The following CAMTA1 variants were observed in gnomAD, a reference collection of about 807,000 sequenced individuals.
CAMTA1 encodes the protein calmodulin-binding transcription activator 1.
A neutral mutation model predicts 170.9 loss-of-function variants in CAMTA1; 27 were observed. The ratio of observed to expected loss-of-function variants is 0.16; its 90% CI spans 0.12 to 0.22. The LOEUF is 0.22. Ranked by LOEUF, CAMTA1 falls within the 10% of genes least tolerant of loss-of-function variation. CAMTA1 has a pLI of 1.00. For missense variants in CAMTA1, 1,619 were observed against 2,217.2 expected, an observed-to-expected ratio of 0.73 and a Z score of 5.42; for synonymous variants, 833 against 891.5, an observed-to-expected ratio of 0.93 and a Z score of 1.17.
At chr1:7,524,716 T>C (rs1409268678) in intron 6 of CAMTA1, among the ~76,000 whole-genome samples, 6 of 152,196 alleles carry the variant, frequency 3.9e-5, no homozygotes, top group Non-Finnish European at 8.8e-5. Context: ...TCAGAAACTT[T>C]GGGACCCACC....
intron 3 of CAMTA1, among the ~76,000 whole-genome samples, chr1:7,057,070 G>A (rs1439364647): frequency 6.6e-6 from 1 of 152,196 alleles, no homozygotes; most frequent in African/African-American, 2.4e-5. Flanking sequence ...CCCTTCTCTC[G>A]GGTGGGGAGG....
intron 3 of CAMTA1, among the ~76,000 whole-genome samples, chr1:6,935,389 C>CA (rs35838971): frequency 0.021 from 3,081 of 147,270 alleles, 42 homozygotes; most frequent in Middle Eastern, 0.056. Flanking sequence ...GCACCTGCAG[C>CA]AAAAAAAAAA....
chr1:7,380,868 T>G (rs1054686834), intron 5 of CAMTA1, among the ~76,000 whole-genome samples: 1 of 152,196 alleles, frequency 6.6e-6, no homozygotes, highest in Non-Finnish European at 1.5e-5. Flanking sequence ...GGCACATGCT[T>G]GTGAACAGCA....
Position 7,663,515 on chromosome 1 carries a change from G to A in CAMTA1, c.968G>A (p.Arg323His), listed in dbSNP as rs1181886794. ...HEHSHSKGSS[R>H]EKRNGKVAKP... ...CACAGCCACAGCAAGGGCTCCAGCC[G>A]TGAGAAGAGGAACGGCAAGGTGGCC... The change falls in exon 9 of 23, where the codon CGT becomes CAT. Residue 323 changes from arginine to histidine, a missense_variant. Physicochemically the swap from Arg to His is conservative, Grantham distance 29. Transcript: ENST00000303635. 1.0e-5 allele frequency: 16 copies of A among 1,602,550 alleles called. No individual in the cohort carries two copies. The highest frequency in any genetic ancestry group is 9.4e-5 in the African/African-American group (7 of 74,738).
intron 3 of CAMTA1, among the ~76,000 whole-genome samples, chr1:6,883,946 T>C (rs1672370201): frequency 6.6e-6 from 1 of 152,192 alleles, no homozygotes; most frequent in Non-Finnish European, 1.5e-5. Flanking sequence ...AAGTTACTTA[T>C]TTTGGTATGA....
chr1:6,844,615 G>A (rs1306722605), intron 3 of CAMTA1, among the ~76,000 whole-genome samples: 1 of 150,942 alleles, frequency 6.6e-6, no homozygotes, highest in Non-Finnish European at 1.5e-5. Flanking sequence ...GGGCCTGGGA[G>A]GTGGAGGTTG....
chr1:6,827,990 C>A (rs1647782735), intron 3 of CAMTA1, among the ~76,000 whole-genome samples: 1 of 152,142 alleles, frequency 6.6e-6, no homozygotes, highest in Non-Finnish European at 1.5e-5. Flanking sequence ...CAGTTGAGAG[C>A]ACAGTAGATT....
chr1:7,675,939 G>A (rs1036450382), intron 10 of CAMTA1, among the ~76,000 whole-genome samples: 14 of 152,342 alleles, frequency 9.2e-5, no homozygotes, highest in African/African-American at 2.9e-4. Flanking sequence ...CCATTCCAGC[G>A]TTGCTGCAGG....
chr1:7,574,991 G>T (rs1275904877), intron 6 of CAMTA1, among the ~76,000 whole-genome samples: 2 of 152,222 alleles, frequency 1.3e-5, no homozygotes, highest in Non-Finnish European at 2.9e-5. Flanking sequence ...TGAGCTCTGG[G>T]CTGCTGCTTC....
chr1:6,817,201 C>G (rs183553921), intron 1 of CAMTA1, among the ~76,000 whole-genome samples: 1 of 152,184 alleles, frequency 6.6e-6, no homozygotes, highest in Admixed American at 6.5e-5. Context: ...CCCACTGAAC[C>G]AAAGTGATTT....
At chr1:6,919,071 T>G (rs1681433229) in intron 3 of CAMTA1, among the ~76,000 whole-genome samples, 1 of 152,174 alleles carries the variant, frequency 6.6e-6, no homozygotes, top group African/African-American at 2.4e-5. Context: ...AACACTCTGT[T>G]TTTGGAAAGT....
At chr1:6,959,381 G>A (rs575611470) in intron 3 of CAMTA1, among the ~76,000 whole-genome samples, 1 of 152,312 alleles carries the variant, frequency 6.6e-6, no homozygotes, top group Non-Finnish European at 1.5e-5. Flanking sequence ...GCGGCCTTGG[G>A]CACCACTGCT....
At chr1:7,121,643 G>A (rs1412566334) in intron 4 of CAMTA1, among the ~76,000 whole-genome samples, 2 of 152,200 alleles carry the variant, frequency 1.3e-5, no homozygotes, top group African/African-American at 4.8e-5. Context: ...TGCCCAGGGG[G>A]TCTCTGGAAA....
intron 22 of CAMTA1, among the ~76,000 whole-genome samples, chr1:7,757,448 A>G (rs986188648): frequency 7.9e-5 from 12 of 152,224 alleles, no homozygotes; most frequent in African/African-American, 2.9e-4. Context: ...GTTCTTCTTA[A>G]TAATGACCTT....
chr1:7,340,583 T>C lies in CAMTA1; in HGVS notation c.438+90957T>C, dbSNP rs1172651094. Among the ~76,000 whole-genome samples the C allele has an allele frequency of 6.2e-5, 7 of 113,744 alleles. No homozygotes were observed. In the South Asian group the frequency reaches 9.7e-4, roughly 16 times the overall value. 74.6% of individuals were successfully genotyped at this position (113,744 alleles called of 152,430 possible). A position where few individuals can be genotyped will look rare whatever the true frequency, so the allele number is the denominator to read the frequency against. On this transcript the variant is annotated intron_variant, in intron 5 of 22. Coordinates refer to ENST00000303635, the MANE Select transcript of CAMTA1 (RefSeq NM_015215.4). ...CTCCCTCCCTTCCTTCCTTCCATCC[T>C]TCCATCCTTCCTGGCTTCCATCCGT...
chr1:7,029,431 G>A (rs1335218287), intron 3 of CAMTA1, among the ~76,000 whole-genome samples: 2 of 148,328 alleles, frequency 1.3e-5, no homozygotes, highest in Non-Finnish European at 3.0e-5. Flanking sequence ...GAACCCAGGA[G>A]GCAGAGCTTG....
At chr1:7,403,717 A>C (rs539507492) in intron 5 of CAMTA1, among the ~76,000 whole-genome samples, 2 of 152,328 alleles carry the variant, frequency 1.3e-5, no homozygotes, top group East Asian at 3.9e-4. Flanking sequence ...TCAGCACTGC[A>C]CCTGGGACCA....
intron 5 of CAMTA1, among the ~76,000 whole-genome samples, chr1:7,404,308 T>G (rs2149220541): frequency 6.6e-6 from 1 of 152,306 alleles, no homozygotes; most frequent in East Asian, 1.9e-4. Context: ...TACTCAGACC[T>G]CACTCTGGCC....
chr1:7,280,528 G>A (rs992189633), intron 5 of CAMTA1, among the ~76,000 whole-genome samples: 4 of 152,206 alleles, frequency 2.6e-5, no homozygotes, highest in Non-Finnish European at 5.9e-5. Context: ...GTGCCACGTG[G>A]ATGTCAGAAA....
Sources: gnomAD v4.1 joint callset for allele counts (sites outside exome capture counted in the v4.1 genomes callset) on GRCh38, gnomAD v4.1.1 for gene constraint, MANE v1.5 for transcripts, NCBI Gene and HGNC (gene_info 2026-07-23, HGNC 2026-07-21) for gene names.